Variants in AKAP13 observed in about 807,000 individuals in gnomAD.
AKAP13 encodes the protein A-kinase anchoring protein 13.
A neutral mutation model predicts 264.5 loss-of-function variants in AKAP13; 80 were observed. That is an observed-to-expected ratio of 0.30 (90% confidence interval 0.25 to 0.36). The LOEUF (loss-of-function observed/expected upper bound fraction) is 0.36, where lower values mean the gene tolerates loss of function less well. Among genes scored for constraint, AKAP13 ranks in the 10% least tolerant of loss-of-function variants. The probability of loss-of-function intolerance (pLI) is 1.00; values close to 1 mark genes in which losing one functional copy is unlikely to be tolerated. For synonymous variants in AKAP13, 1,380 were observed against 1,250.2 expected (o/e 1.10, Z -2.19); for missense variants, 3,712 against 3,435.2 (o/e 1.08, Z -2.01).
intron 5 of AKAP13, among the ~76,000 whole-genome samples, chr15:85,573,532 G>A (rs759951493): frequency 1.6e-4 from 20 of 125,398 alleles, no homozygotes; most frequent in South Asian, 2.3e-4. Flanking sequence ...GCGACAGAGC[G>A]GGACTCTGTC....
chr15:85,718,255 T>C lies in AKAP13; in HGVS notation c.6001+96T>C. On this transcript the variant is annotated intron_variant, in intron 22 of 36. Coordinates refer to ENST00000394518, the MANE Select transcript of AKAP13 (RefSeq NM_007200.5). The surrounding 1 kb of genome is among the most constrained non-coding windows in gnomAD (Gnocchi z 4.9). ...GGACTATGAAAAATCAGTTTTTTAG[T>C]ATGTGGCTTCTTGAAAAGATTTCCT... The C allele has an allele frequency of 7.0e-7, 1 of 1,423,214 alleles. No individual in the cohort carries two copies. The highest frequency in any genetic ancestry group is 1.3e-5 in the South Asian group (1 of 76,554). 88.2% of individuals were successfully genotyped at this position (1,423,214 alleles called of 1,614,324 possible).
At chr15:85,665,188 G>A (rs760072790) in intron 13 of AKAP13, among the ~76,000 whole-genome samples, 1 of 152,128 alleles carries the variant, frequency 6.6e-6, no homozygotes, top group Non-Finnish European at 1.5e-5. Context: ...GGGTGACAGA[G>A]CAAGACTCTG....
intron 2 of AKAP13, among the ~76,000 whole-genome samples, chr15:85,516,760 A>G (rs1445811786): frequency 6.6e-6 from 1 of 152,114 alleles, no homozygotes; most frequent in Non-Finnish European, 1.5e-5. Context: ...TGGTGTAAAT[A>G]CTCCCATAAT....
intron 1 of AKAP13, among the ~76,000 whole-genome samples, chr15:85,442,748 A>G (rs1203051000): frequency 6.6e-6 from 1 of 151,662 alleles, no homozygotes; most frequent in East Asian, 1.9e-4. Flanking sequence ...AATTTTGTGC[A>G]ATTGAAATAG....
rs140972802 is a variant in AKAP13, at chr15:85,675,622, T to G, written c.5101+5792T>G. On this transcript the variant is annotated intron_variant, in intron 14 of 36. Coordinates refer to ENST00000394518, the MANE Select transcript of AKAP13 (RefSeq NM_007200.5). Reference sequence around the variant, plus strand: ...CACCACATTTACAGATGAGAGCAAGTGAATCTAATAGAAAATGGTAAATGC... The same window carrying G: ...CACCACATTTACAGATGAGAGCAAGGGAATCTAATAGAAAATGGTAAATGC... 6.2e-3 allele frequency among the ~76,000 whole-genome samples: 944 copies of G among 152,230 alleles called. 10 individuals carry two copies. Among genetic ancestry groups the G allele is most frequent in the African/African-American group, 0.021 (888 of 41,534 alleles).
intron 8 of AKAP13, among the ~76,000 whole-genome samples, chr15:85,612,833 AAAG>A (rs201760057): frequency 0.14 from 19,191 of 140,100 alleles, 1,760 homozygotes; most frequent in African/African-American, 0.25. Flanking sequence ...CACAAAAAAA[AAAG>A]AAAAAAAGAA....
At chr15:85,571,207 G>A (rs1030569938) in intron 5 of AKAP13, among the ~76,000 whole-genome samples, 4 of 152,102 alleles carry the variant, frequency 2.6e-5, no homozygotes, top group African/African-American at 4.8e-5. Context: ...TTGGTAAAAT[G>A]TATATCTCAA....
At chr15:85,617,237 G>C (rs2080977738) in intron 8 of AKAP13, among the ~76,000 whole-genome samples, 1 of 138,822 alleles carries the variant, frequency 7.2e-6, no homozygotes. Context: ...TTTTGTTGTT[G>C]TTGTTGTTTT....
chr15:85,720,890 G>A (rs1404358765), intron 23 of AKAP13, among the ~76,000 whole-genome samples: 2 of 152,204 alleles, frequency 1.3e-5, no homozygotes, highest in Non-Finnish European at 2.9e-5. Flanking sequence ...GAACTCCTAG[G>A]AGTAAAAGTA....
At chr15:85,654,168 CAT>C (rs1282303919) in intron 10 of AKAP13, among the ~76,000 whole-genome samples, 6 of 152,170 alleles carry the variant, frequency 3.9e-5, no homozygotes, top group Non-Finnish European at 8.8e-5. Flanking sequence ...GATTTGGCCT[CAT>C]AATACTCAGC....
rs756106855 is a variant in AKAP13, at chr15:85,581,102, G to T, written c.3034G>T (p.Gly1012Trp). 1.5e-5 allele frequency: 24 copies of T among 1,613,876 alleles called. No homozygotes were observed. The highest frequency in any genetic ancestry group is 2.0e-5 in the Non-Finnish European group (24 of 1,179,920). The change falls in exon 7 of 37, where the codon GGG (glycine) becomes TGG (tryptophan). Residue 1012 changes from glycine (G) to tryptophan (W), a missense_variant. Gly to Trp is a radical substitution (Grantham distance 184). This residue lies in a region of AKAP13 where 2,759 missense variants were observed against 2,411.7 expected (regional missense o/e 1.14). Coordinates refer to ENST00000394518, the MANE Select transcript of AKAP13 (RefSeq NM_007200.5). ...APQVSLLTQGGAAQSLVPPGA... is the reference protein window; with the variant it reads ...APQVSLLTQGWAAQSLVPPGA... ...ACAAGTCTCACTGCTGACTCAAGGT[G>T]GGGCTGCCCAGAGCCTGGTGCCACC...
intron 8 of AKAP13, among the ~76,000 whole-genome samples, chr15:85,628,929 G>A (rs978339226): frequency 1.3e-5 from 2 of 151,792 alleles, no homozygotes; most frequent in African/African-American, 4.8e-5. Context: ...ACAGTGGCTC[G>A]CGGCTGCAAT....
At chr15:85,700,751 A>G (rs1043724031) in intron 17 of AKAP13, among the ~76,000 whole-genome samples, 6 of 152,134 alleles carry the variant, frequency 3.9e-5, no homozygotes, top group Non-Finnish European at 8.8e-5. Flanking sequence ...CAGCCTACCT[A>G]TTCATTTGTA....
At chr15:85,474,248 T>G (rs192796882) in intron 1 of AKAP13, among the ~76,000 whole-genome samples, 2 of 152,238 alleles carry the variant, frequency 1.3e-5, no homozygotes, top group Non-Finnish European at 2.9e-5. Context: ...ATTTTCGTAG[T>G]TTAAAACATA....
At chr15:85,601,608 T>TTGTGTGTGTGTGTGTG (rs10574160) in intron 8 of AKAP13, among the ~76,000 whole-genome samples, 7,590 of 131,880 alleles carry the variant, frequency 0.058, 306 homozygotes, top group Non-Finnish European at 0.075. Context: ...CCTGAATTCT[T>TTGTGTGTGTGTGTGTG]TGTGTGTGTG....
intron 5 of AKAP13, among the ~76,000 whole-genome samples, chr15:85,561,129 C>G (rs1187557970): frequency 5.4e-5 from 8 of 149,368 alleles, no homozygotes; most frequent in African/African-American, 2.0e-4. Flanking sequence ...GCAATCTCGG[C>G]TCACTGCAAC....
At chr15:85,459,374 T>A (rs1476473070) in intron 1 of AKAP13, among the ~76,000 whole-genome samples, 1 of 142,576 alleles carries the variant, frequency 7.0e-6, no homozygotes, top group Non-Finnish European at 1.5e-5. Context: ...TTTTTTTGTA[T>A]TTTTAGTAGA....
At chr15:85,606,180 C>A (rs184150527) in intron 8 of AKAP13, among the ~76,000 whole-genome samples, 3 of 142,260 alleles carry the variant, frequency 2.1e-5, no homozygotes, top group East Asian at 2.3e-4. Flanking sequence ...TGGCTCACTG[C>A]AACCTCCGCC....
intron 29 of AKAP13, among the ~76,000 whole-genome samples, chr15:85,729,965 CAAA>C (rs368432438): frequency 6.9e-6 from 1 of 145,054 alleles, no homozygotes; most frequent in Non-Finnish European, 1.5e-5. Flanking sequence ...AAAACAAAAA[CAAA>C]AAAAAAAGAA....
Sources: allele counts gnomAD v4.1 joint callset (sites outside exome capture counted in the v4.1 genomes callset), GRCh38; gene constraint gnomAD v4.1.1; regional missense constraint gnomAD v4.1.1; non-coding constraint Gnocchi (gnomAD v3.1); transcripts MANE v1.5; gene names NCBI Gene and HGNC (gene_info 2026-07-23, HGNC 2026-07-21).